The following SOX7 variants were observed in gnomAD, a reference collection of about 807,000 sequenced individuals.
The protein encoded by SOX7 is SRY-box transcription factor 7.
Under a neutral mutation model 24.9 loss-of-function variants are expected in SOX7, and 19 were observed. That is an observed-to-expected ratio of 0.76 (90% CI 0.53 to 1.12). The LOEUF is 1.12. SOX7 is among the 50% of genes most tolerant of loss of function. The pLI is 0.00. For missense variants in SOX7, 702 were observed against 535.0 expected, an observed-to-expected ratio of 1.31 and a Z score of -3.08; for synonymous variants, 327 against 244.5, an observed-to-expected ratio of 1.34 and a Z score of -3.15.
chr8:10,730,088 G>A lies in SOX7; in HGVS notation c.238+108C>T. The A allele has an allele frequency of 1.3e-6, 1 of 770,892 alleles. No individual in the cohort carries two copies. Among genetic ancestry groups the A allele is most frequent in the Non-Finnish European group, 1.8e-6 (1 of 560,348 alleles). The allele number at this position is 770,892 out of a possible 1,614,324, so 47.8% of individuals were successfully genotyped here. A position where few individuals can be genotyped will look rare whatever the true frequency, so the allele number is the denominator to read the frequency against. ...CGGGCACGAAGAGGGCCCTCGTCCC[G>A]CGTGCCGGGTCTTCCCCAGGCTCCG... On this transcript the variant is annotated intron_variant, in intron 1 of 1. Coordinates refer to ENST00000304501, the MANE Select transcript of SOX7 (RefSeq NM_031439.4). This position sits in a 1 kb window ranked among gnomAD's most constrained non-coding sequence, Gnocchi z 4.8.
intron 1 of SOX7, among the ~76,000 whole-genome samples, chr8:10,727,020 G>A (rs1035938813): frequency 2.0e-5 from 3 of 152,144 alleles, no homozygotes; most frequent in African/African-American, 7.2e-5. Context: ...TAATGATCAC[G>A]ATATTGATTG....
Position 10,726,405 on chromosome 8 carries a change from G to A in SOX7, c.500C>T (p.Pro167Leu). The A allele has an allele frequency of 2.5e-6, 4 of 1,612,262 alleles. No individual in the cohort carries two copies. The highest frequency in any genetic ancestry group is 3.4e-6 in the Non-Finnish European group (4 of 1,179,374). ...CCGGAGGCTGGGCAGGGCAGTGCCG[G>A]GGGAGTACTCACCCCTGTCCTCCTT... ...GEKEDRGEYS[P>L]GTALPSLRGC... The change falls in exon 2 of 2, where the codon CCC becomes CTC. Residue 167 changes from proline (P) to leucine (L), a missense_variant. By Grantham distance (98) the Pro-to-Leu change is moderately conservative. Transcript: ENST00000304501.
rs1404815580 is a variant in SOX7, at chr8:10,724,025, T to C, written c.*1713A>G. On this transcript the variant is annotated 3_prime_UTR_variant, in exon 2 of 2. Transcript: ENST00000304501. ...TCATACCTTATAAGTGATTTTACAA[T>C]AGGACATCTTAGAAGGACAAAAAGG... is the stretch of plus-strand genomic sequence containing the variant. The C allele has an allele frequency of 6.6e-6, 1 of 152,252 alleles. No individual in the cohort carries two copies. 9.4% of individuals were successfully genotyped at this position (152,252 alleles called of 1,614,324 possible).
rs546533933 is a variant in SOX7, at chr8:10,725,580, A to C, written c.*158T>G. The C allele has an allele frequency of 1.4e-6, 1 of 693,056 alleles. No individual in the cohort carries two copies. Among genetic ancestry groups the C allele is most frequent in the Non-Finnish European group, 2.4e-6 (1 of 414,706 alleles). The allele number at this position is 693,056 out of a possible 1,614,324, so 42.9% of individuals were successfully genotyped here. A position where few individuals can be genotyped will look rare whatever the true frequency, so the allele number is the denominator to read the frequency against. ...AGGGGATAGAGGCGGCACTCGGATAAGGAGAGTCCAGCTTAGGCCAAAGGC... is the reference window on the plus strand; with the variant it reads ...AGGGGATAGAGGCGGCACTCGGATACGGAGAGTCCAGCTTAGGCCAAAGGC... On this transcript the variant is annotated 3_prime_UTR_variant, in exon 2 of 2. Transcript: ENST00000304501.
At chr8:10,728,415 G>C (rs753735506) in intron 1 of SOX7, among the ~76,000 whole-genome samples, 6 of 152,212 alleles carry the variant, frequency 3.9e-5, no homozygotes, top group African/African-American at 1.2e-4. Flanking sequence ...GGAAAGAGCT[G>C]AGAAGGAAAT....
rs914183809 is a variant in SOX7 at position 10,723,777 on chromosome 8, A to G, written c.*1961T>C. ...TCAAAAGATAGAACAGTCATGGTAC[A>G]AAAATGTTTATTTAAATTAAATATT... On this transcript the variant is annotated 3_prime_UTR_variant, in exon 2 of 2. Coordinates refer to ENST00000304501, the MANE Select transcript of SOX7 (RefSeq NM_031439.4). The G allele has an allele frequency of 4.6e-5, 7 of 152,620 alleles. No individual in the cohort carries two copies. The allele number at this position is 152,620 out of a possible 1,614,324, so 9.5% of individuals were successfully genotyped here.
chr8:10,726,252 G>C lies in SOX7; in HGVS notation c.653C>G (p.Thr218Ser). The C allele has an allele frequency of 6.2e-7, 1 of 1,613,852 alleles. No homozygotes were observed. The change falls in exon 2 of 2, where the codon ACC (threonine) becomes AGC (serine). Residue 218 changes from threonine to serine, a missense_variant. By Grantham distance (58) the Thr-to-Ser change is moderately conservative. Coordinates refer to ENST00000304501, the MANE Select transcript of SOX7 (RefSeq NM_031439.4). ...CTCCTGGCAGGGGGAGGAGAAGAAG[G>C]TCTGCTCCGGCTCCAGCACGTCCAG... ...SPLDVLEPEQ[T>S]FFSSPCQEEH...
rs1292472014 is a variant in SOX7, at chr8:10,725,724, G to C, written c.*14C>G. On this transcript the variant is annotated 3_prime_UTR_variant, in exon 2 of 2. Transcript: ENST00000304501. ...AGAGGGCGCGAGGGCTGACCGGACG[G>C]GGCGCCTCCAGCTCTATGACACACT... 6.2e-7 allele frequency: 1 copy of C among 1,613,808 alleles called. No individual in the cohort carries two copies. Among genetic ancestry groups the C allele is most frequent in the Non-Finnish European group, 8.5e-7 (1 of 1,179,946 alleles).
chr8:10,730,128 C>G lies in SOX7; in HGVS notation c.238+68G>C. On this transcript the variant is annotated intron_variant, in intron 1 of 1. Transcript: ENST00000304501. This position sits in a 1 kb window ranked among gnomAD's most constrained non-coding sequence, Gnocchi z 4.8. ...CCCAGGCTCCGCGCTCGCACCCGCCCTGCAGTGCCGCCAGCCGCCCGCCGC... is the reference window on the plus strand; with the variant it reads ...CCCAGGCTCCGCGCTCGCACCCGCCGTGCAGTGCCGCCAGCCGCCCGCCGC... 1 of 1,235,682 alleles carries G rather than the reference C, an allele frequency of 8.1e-7. No individual in the cohort carries two copies. Among genetic ancestry groups the G allele is most frequent in the Non-Finnish European group, 1.0e-6 (1 of 956,936 alleles). 76.5% of individuals were successfully genotyped at this position (1,235,682 alleles called of 1,614,324 possible).
Position 10,726,221 on chromosome 8 carries a change from A to C in SOX7, c.684T>G (p.His228Gln), listed in dbSNP as rs761837605. ...GGTGGGGGATGCGGCGGGGATGGCC[A>C]TGCTCCTCCTGGCAGGGGGAGGAGA... Reference protein sequence around the residue: ...TFFSSPCQEEHGHPRRIPHLP... With the variant: ...TFFSSPCQEEQGHPRRIPHLP... Residue 228 changes from histidine to glutamine, a missense_variant, in exon 2 of 2, where the codon CAT (histidine) becomes CAG (glutamine). Transcript: ENST00000304501. 3 of 1,612,588 alleles carry C rather than the reference A, an allele frequency of 1.9e-6. No individual in the cohort carries two copies. In the East Asian group the frequency reaches 6.7e-5, roughly 36 times the overall value.
rs375729219 is a variant in SOX7 at position 10,726,328 on chromosome 8, T to G, written c.577A>C (p.Ser193Arg). The G allele has an allele frequency of 1.7e-5, 28 of 1,612,856 alleles. No homozygotes were observed. In the African/African-American group the frequency reaches 3.3e-4, roughly 19 times the overall value. Residue 193 changes from serine to arginine, a missense_variant, in exon 2 of 2, where the codon AGT becomes CGT. Coordinates refer to ENST00000304501, the MANE Select transcript of SOX7 (RefSeq NM_031439.4). ...AGGGGGGTPS[S>R]VDTYPYGLPT... is the part of the protein sequence containing the mutation. The stretch of plus-strand genomic sequence containing the variant: ...AGCCCGTACGGGTACGTGTCCACAC[T>G]GCTCGGGGTGCCGCCGCCGCCACCA...
Position 10,726,593 on chromosome 8 carries a change from C to T in SOX7, c.312G>A (p.Gln104=). The part of the protein sequence containing the change: ...YVDEAERLRL[Q]HMQDYPNYKY... ...TGTAGTTGGGGTAGTCCTGCATGTG[C>T]TGCAGGCGCAGCCGCTCCGCCTCGT... is the stretch of plus-strand genomic sequence containing the variant. Residue 104 remains glutamine (Q), a synonymous_variant, in exon 2 of 2, where the codon CAG becomes CAA. Coordinates refer to ENST00000304501, the MANE Select transcript of SOX7 (RefSeq NM_031439.4). The T allele has an allele frequency of 1.2e-6, 2 of 1,609,744 alleles. No individual in the cohort carries two copies. The highest frequency in any genetic ancestry group is 1.7e-6 in the Non-Finnish European group (2 of 1,179,744).
intron 1 of SOX7, chr8:10,729,430 G>C (rs1800217260): frequency 6.6e-6 from 1 of 152,156 alleles, no homozygotes; most frequent in Non-Finnish European, 1.5e-5. Flanking sequence ...GGAGAAAAAA[G>C]AAACCCCCAT....
intron 1 of SOX7, among the ~76,000 whole-genome samples, chr8:10,729,030 G>C (rs993900369): frequency 1.3e-5 from 2 of 152,264 alleles, no homozygotes; most frequent in African/African-American, 4.8e-5. Flanking sequence ...ACTAAGGCGA[G>C]TTGGTGCAGC....
intron 1 of SOX7, among the ~76,000 whole-genome samples, chr8:10,728,397 G>T (rs1454050216): frequency 5.3e-5 from 8 of 152,176 alleles, no homozygotes; most frequent in Admixed American, 4.6e-4. Flanking sequence ...TTCCTCTCAG[G>T]TCAGAAAGGA....
chr8:10,724,625 A>G lies in SOX7; in HGVS notation c.*1113T>C, dbSNP rs1260994651. The G allele has an allele frequency of 6.6e-6, 1 of 152,186 alleles. No individual in the cohort carries two copies. The highest frequency in any genetic ancestry group is 1.5e-5 in the Non-Finnish European group (1 of 68,036). 9.4% of individuals were successfully genotyped at this position (152,186 alleles called of 1,614,324 possible). The stretch of plus-strand genomic sequence containing the variant: ...GAGTTGGCAACAAGTTGTCATTGTT[A>G]ATAAAAATATCTGATTTAGACTTTG... On this transcript the variant is annotated 3_prime_UTR_variant, in exon 2 of 2. Coordinates refer to ENST00000304501, the MANE Select transcript of SOX7 (RefSeq NM_031439.4).
chr8:10,728,626 G>A (rs952177169), intron 1 of SOX7, among the ~76,000 whole-genome samples: 2 of 152,202 alleles, frequency 1.3e-5, no homozygotes, highest in African/African-American at 4.8e-5. Context: ...GGACCAACTC[G>A]CAGGAAGCAT....
rs1307170991 is a variant in SOX7 at position 10,726,849 on chromosome 8, A to T, written c.239-183T>A. 2.6e-5 allele frequency among the ~76,000 whole-genome samples: 4 copies of T among 152,274 alleles called. No individual in the cohort carries two copies. The East Asian group carries it at 7.8e-4, about 30-fold the overall frequency. Reference sequence around the variant, plus strand: ...AGATCCTGCAGGCACAGTGAAGCGAAATCAACCCCTCTGCTTGCATCCAGA... The same window carrying T: ...AGATCCTGCAGGCACAGTGAAGCGATATCAACCCCTCTGCTTGCATCCAGA... On this transcript the variant is annotated intron_variant, in intron 1 of 1. Coordinates refer to ENST00000304501, the MANE Select transcript of SOX7 (RefSeq NM_031439.4).
chr8:10,730,339 A>G lies in SOX7; in HGVS notation c.95T>C (p.Val32Ala). ...GCCCTTGTCCCCCGGGGGCCGGGGG[A>G]CGGCCGGCGGCGATTGTCCATCCGA... ...ELSDGQSPPA[V>A]PRPPGDKGSE... Residue 32 changes from valine to alanine, a missense_variant, in exon 1 of 2, where the codon GTC becomes GCC. Transcript: ENST00000304501. The surrounding 1 kb of genome is among the most constrained non-coding windows in gnomAD (Gnocchi z 4.8). 3 of 1,563,484 alleles carry G rather than the reference A, an allele frequency of 1.9e-6. No homozygotes were observed. The highest frequency in any genetic ancestry group is 1.4e-5 in the African/African-American group (1 of 69,862).
Sources: allele counts gnomAD v4.1 joint callset (sites outside exome capture counted in the v4.1 genomes callset), GRCh38; gene constraint gnomAD v4.1.1; non-coding constraint Gnocchi (gnomAD v3.1); transcripts MANE v1.5; gene names NCBI Gene and HGNC (gene_info 2026-07-23, HGNC 2026-07-21).